C4orf51: variants seen among roughly 807,000 people sequenced by gnomAD.
C4orf51 encodes the protein uncharacterized protein C4orf51.
In C4orf51, 25 loss-of-function variants were observed where a neutral mutation model predicts 25.2. The ratio of observed to expected loss-of-function variants is 0.99; its 90% CI spans 0.72 to 1.39. The LOEUF (loss-of-function observed/expected upper bound fraction) is 1.39, where lower values mean the gene tolerates loss of function less well. Ranked by LOEUF, C4orf51 falls within the 40% of genes most tolerant of loss-of-function variation. C4orf51 has a pLI of 0.00. For synonymous variants in C4orf51, 100 were observed against 84.5 expected (o/e 1.18, Z -1.01); for missense variants, 252 against 239.6 (o/e 1.05, Z -0.34).
chr4:145,767,625 ATATGT>A (rs1355861871), intron 1 of C4orf51, among the ~76,000 whole-genome samples: 1 of 152,240 alleles, frequency 6.6e-6, no homozygotes. Flanking sequence ...AGGAAGAAAG[ATATGT>A]TATGTGCACA....
chr4:145,764,691 A>G, intron 1 of C4orf51: 1 of 385,998 alleles, frequency 2.6e-6, no homozygotes, highest in Non-Finnish European at 4.8e-6. Flanking sequence ...AGTCTGAACA[A>G]AACTCAAGCA....
the C4orf51 span, among the ~76,000 whole-genome samples, chr4:145,786,428 A>G: frequency 3.9e-5 from 6 of 152,220 alleles, no homozygotes; most frequent in African/African-American, 1.4e-4. Flanking sequence ...CAGATCAACT[A>G]AATCTCATTA....
chr4:145,771,564 T>G (rs1387416438), downstream of C4orf51, among the ~76,000 whole-genome samples: 1 of 152,196 alleles, frequency 6.6e-6, no homozygotes, highest in Non-Finnish European at 1.5e-5. Flanking sequence ...TATTTTCCCC[T>G]TGTTGATATT....
chr4:145,777,875 T>C, the C4orf51 span, among the ~76,000 whole-genome samples: 51 of 152,310 alleles, frequency 3.3e-4, no homozygotes, highest in East Asian at 6.9e-3. Flanking sequence ...TCATTCCTTT[T>C]AGATGTCTGT....
chr4:145,759,082 T>C (rs1734184134), downstream of C4orf51: 1 of 152,192 alleles, frequency 6.6e-6, no homozygotes, highest in Non-Finnish European at 1.5e-5. Context: ...TAACACATGA[T>C]GGAAAACAGC....
intron 1 of C4orf51, among the ~76,000 whole-genome samples, chr4:145,692,248 T>C (rs1184826506): frequency 6.6e-6 from 1 of 152,162 alleles, no homozygotes; most frequent in Non-Finnish European, 1.5e-5. Context: ...TGGTAATGAA[T>C]AAGAAAAAAC....
Position 145,770,297 on chromosome 4 carries a change from TTAAAATAAATAAATAAATAAA to T in C4orf51, n.167-686_167-666del, listed in dbSNP as rs1262443672. ...CTCGGCAACAGAGTGAGACCCTGTC[TTAAAATAAATAAATAAATAAA>T]TAAATAAATAAATAAATAAATAAAT... On this transcript the variant is annotated intron_variant and non_coding_transcript_variant, in intron 1 of 1. Transcript: ENST00000510096. Among the ~76,000 whole-genome samples, 189 of 141,188 alleles carry T rather than the reference TTAAAATAAATAAATAAATAAA, an allele frequency of 1.3e-3. 1 individual carries two copies. Among genetic ancestry groups the T allele is most frequent in the African/African-American group, 4.8e-3 (177 of 36,894 alleles). 92.6% of individuals were successfully genotyped at this position (141,188 alleles called of 152,430 possible).
chr4:145,775,374 CG>C (rs901711764), downstream of C4orf51, among the ~76,000 whole-genome samples: 2 of 151,764 alleles, frequency 1.3e-5, no homozygotes, highest in African/African-American at 4.8e-5. Flanking sequence ...TGGGGAAATA[CG>C]TAACGCCTTC....
chr4:145,779,353 G>A, the C4orf51 span: 5 of 1,612,700 alleles, frequency 3.1e-6, no homozygotes, highest in African/African-American at 5.3e-5. Flanking sequence ...AGGGCTGACA[G>A]CCCAGGCCCT....
chr4:145,690,038 C>T (rs540034613), intron 1 of C4orf51, among the ~76,000 whole-genome samples: 1 of 151,670 alleles, frequency 6.6e-6, no homozygotes, highest in African/African-American at 2.4e-5. Context: ...AACCCCATTT[C>T]TACTAAAAAC....
the C4orf51 span, among the ~76,000 whole-genome samples, chr4:145,776,655 C>T: frequency 6.6e-6 from 1 of 151,898 alleles, no homozygotes; most frequent in Non-Finnish European, 1.5e-5. Context: ...TGGGTGAGTG[C>T]TGAGCAGGGG....
At chr4:145,689,642 T>C (rs1729405474) in intron 1 of C4orf51, among the ~76,000 whole-genome samples, 1 of 151,966 alleles carries the variant, frequency 6.6e-6, no homozygotes. Context: ...AAAGTTAAAA[T>C]TTAAAAGACT....
downstream of C4orf51, among the ~76,000 whole-genome samples, chr4:145,736,063 A>T (rs6537370): frequency 6.6e-6 from 1 of 152,062 alleles, no homozygotes; most frequent in East Asian, 1.9e-4. Context: ...TCTTAGACTT[A>T]TTAAGTCCCC....
intron 1 of C4orf51, among the ~76,000 whole-genome samples, chr4:145,749,063 G>GTATATATATATATATATATATATA (rs142948635): frequency 2.5e-4 from 35 of 140,006 alleles, no homozygotes; most frequent in Non-Finnish European, 2.3e-4. Context: ...GTGTGTGTGT[G>GTATATATATATATATATATATATA]TGTATATATA....
At chr4:145,685,962 A>G (rs1729131005) in intron 1 of C4orf51, among the ~76,000 whole-genome samples, 2 of 152,244 alleles carry the variant, frequency 1.3e-5, no homozygotes, top group South Asian at 4.1e-4. Context: ...AATAATACAT[A>G]AAGTATGATA....
chr4:145,712,917 C>T (rs972769908), intron 2 of C4orf51, among the ~76,000 whole-genome samples: 1 of 152,234 alleles, frequency 6.6e-6, no homozygotes, highest in African/African-American at 2.4e-5. Flanking sequence ...AAGCTATTTA[C>T]TATTTTGAAA....
intron 2 of C4orf51, among the ~76,000 whole-genome samples, chr4:145,710,074 C>T (rs6835430): frequency 0.074 from 11,216 of 152,220 alleles, 509 homozygotes; most frequent in Middle Eastern, 0.14. Context: ...AGCAGTGGAA[C>T]GTACCTGAGT....
the C4orf51 span, among the ~76,000 whole-genome samples, chr4:145,790,526 C>G: frequency 1.3e-5 from 2 of 152,118 alleles, no homozygotes; most frequent in African/African-American, 4.8e-5. Context: ...TTTTAGAATA[C>G]TGAATATATT....
chr4:145,732,458 T>C lies in C4orf51; in HGVS notation c.507T>C (p.His169=), dbSNP rs755216808. Residue 169 remains histidine, a synonymous_variant, in exon 6 of 6, where the codon CAT becomes CAC. Transcript: ENST00000438731. ...RRGKGVLKHL[H]GRCDSESKVC... Reference sequence around the variant, plus strand: ...ACCAGGCCATTTTTCTCCAGCTTCATGGACGGTGCGATTCTGAAAGCAAGG... The same window carrying C: ...ACCAGGCCATTTTTCTCCAGCTTCACGGACGGTGCGATTCTGAAAGCAAGG... 8.7e-6 allele frequency: 14 copies of C among 1,607,932 alleles called. No homozygotes were observed. In the Admixed American group the frequency reaches 2.4e-4, roughly 27 times the overall value.
Sources: allele counts gnomAD v4.1 joint callset (sites outside exome capture counted in the v4.1 genomes callset), GRCh38; gene constraint gnomAD v4.1.1; transcripts MANE v1.5; gene names NCBI Gene and HGNC (gene_info 2026-07-23, HGNC 2026-07-21).